The following RSPH1 variants were observed in gnomAD, a reference collection of about 807,000 sequenced individuals.
RSPH1 encodes the protein radial spoke head 1 homolog.
In RSPH1, 32 loss-of-function variants were observed where a neutral mutation model predicts 44.2. That is an observed-to-expected ratio of 0.72 (90% CI 0.55 to 0.97). The LOEUF is 0.97. RSPH1 is among the 50% of genes least tolerant of loss of function. RSPH1 has a pLI of 0.00. For synonymous variants in RSPH1, 134 were observed against 147.3 expected (o/e 0.91, Z 0.65); for missense variants, 391 against 398.7 (o/e 0.98, Z 0.16).
chr21:42,492,351 C>T (rs1214251328), intron 3 of RSPH1, among the ~76,000 whole-genome samples: 4 of 152,238 alleles, frequency 2.6e-5, no homozygotes, highest in African/African-American at 7.2e-5. Context: ...AGGAAACACT[C>T]GATCTGAAGA....
intron 6 of RSPH1, among the ~76,000 whole-genome samples, chr21:42,481,409 A>G (rs1291835855): frequency 3.3e-5 from 5 of 152,164 alleles, no homozygotes; most frequent in Admixed American, 2.6e-4. Context: ...ACCCAGCTTC[A>G]GGAATTCCTT....
chr21:42,482,429 G>T (rs755898175), intron 6 of RSPH1, among the ~76,000 whole-genome samples: 1 of 152,194 alleles, frequency 6.6e-6, no homozygotes, highest in African/African-American at 2.4e-5. Context: ...ACAAAGTCTA[G>T]AGTTCTGCAA....
intron 8 of RSPH1, 128 bp from the exon 9 acceptor site, chr21:42,472,998 T>C (rs1483952347): frequency 6.2e-6 from 4 of 649,360 alleles, no homozygotes; most frequent in Non-Finnish European, 1.0e-5. Flanking sequence ...CAGTCAAAAA[T>C]TGAATGTTAA....
rs114443816 is a variant in RSPH1, at chr21:42,475,098, T to C, written c.877+800A>G. Among the ~76,000 whole-genome samples the C allele has an allele frequency of 5.4e-3, 816 of 152,260 alleles. 7 individuals are homozygous for C. The highest frequency in any genetic ancestry group is 0.019 in the African/African-American group (775 of 41,540). On this transcript the variant is annotated intron_variant, in intron 8 of 8. Coordinates refer to ENST00000291536, the MANE Select transcript of RSPH1 (RefSeq NM_080860.4). ...GTCCTCTCTCCAGACTTTCTGCAAG[T>C]GCCCACAAGCACTTGGGGAAAGATT...
chr21:42,477,242 C>T (rs764860916), intron 7 of RSPH1, 49 bp downstream of exon 7: 2 of 1,456,376 alleles, frequency 1.4e-6, no homozygotes, highest in African/African-American at 1.4e-5. Flanking sequence ...CCCGGGGGTG[C>T]CCCACACCCT....
chr21:42,481,808 G>A (rs1423202018), intron 6 of RSPH1, among the ~76,000 whole-genome samples: 4 of 152,150 alleles, frequency 2.6e-5, no homozygotes, highest in East Asian at 3.8e-4. Context: ...ACACACATAC[G>A]CATCTCGATG....
chr21:42,486,125 T>C, intron 4 of RSPH1: 2 of 570,976 alleles, frequency 3.5e-6, no homozygotes, highest in African/African-American at 1.9e-5. Context: ...CTCCACTCCC[T>C]GGGACTCTTG....
At chr21:42,479,995 T>C (rs570074160) in intron 6 of RSPH1, among the ~76,000 whole-genome samples, 27 of 152,228 alleles carry the variant, frequency 1.8e-4, no homozygotes, top group Admixed American at 1.7e-3. Flanking sequence ...TCCTTTTAGC[T>C]GGAGCAAAGC....
chr21:42,475,850 G>GC (rs1367529901), intron 8 of RSPH1, 48 bp downstream of exon 8: 4 of 1,593,322 alleles, frequency 2.5e-6, no homozygotes, highest in Non-Finnish European at 3.4e-6. Context: ...ACTGTTCGTG[G>GC]CCCCTAAGTG....
chr21:42,475,076 C>T (rs2054031161), intron 8 of RSPH1, among the ~76,000 whole-genome samples: 1 of 152,196 alleles, frequency 6.6e-6, no homozygotes, highest in Non-Finnish European at 1.5e-5. Context: ...GAAGCGAGTC[C>T]TCTCTCCAGA....
intron 7 of RSPH1, among the ~76,000 whole-genome samples, chr21:42,477,078 C>T (rs1225748985): frequency 6.9e-6 from 1 of 144,996 alleles, no homozygotes; most frequent in African/African-American, 2.5e-5. Flanking sequence ...ACCCCACAGC[C>T]CGGGGATGCC....
intron 8 of RSPH1, 36 bp from the exon 9 acceptor site, chr21:42,472,906 T>C (rs760910749): frequency 4.8e-6 from 7 of 1,465,218 alleles, no homozygotes; most frequent in Non-Finnish European, 6.6e-6. Context: ...ATATCTCATA[T>C]TTACTTTGTT....
At chr21:42,476,962 A>C (rs532458654) in intron 7 of RSPH1, among the ~76,000 whole-genome samples, 1 of 151,112 alleles carries the variant, frequency 6.6e-6, no homozygotes, top group Admixed American at 6.6e-5. Context: ...CACACCCTCC[A>C]TCCCACAGCC....
At chr21:42,475,235 T>C (rs978736623) in intron 8 of RSPH1, among the ~76,000 whole-genome samples, 1 of 151,968 alleles carries the variant, frequency 6.6e-6, no homozygotes, top group Non-Finnish European at 1.5e-5. Context: ...TCCAAACCCA[T>C]TGAAAAAGAG....
At chr21:42,478,828 G>C (rs1372065218) in intron 6 of RSPH1, among the ~76,000 whole-genome samples, 1 of 152,158 alleles carries the variant, frequency 6.6e-6, no homozygotes, top group Non-Finnish European at 1.5e-5. Flanking sequence ...GGATAAGCAA[G>C]AACCTTGAAA....
chr21:42,488,309 A>T (rs1171920242), intron 3 of RSPH1, among the ~76,000 whole-genome samples: 8 of 152,170 alleles, frequency 5.3e-5, no homozygotes, highest in Admixed American at 4.6e-4. Flanking sequence ...ATGTGCCTGG[A>T]TTTGTAACAT....
chr21:42,495,847 C>A (rs1043340279), intron 1 of RSPH1, among the ~76,000 whole-genome samples: 2 of 152,284 alleles, frequency 1.3e-5, no homozygotes, highest in Non-Finnish European at 2.9e-5. Context: ...GAGGAAACTT[C>A]CAAAGCCTTC....
At chr21:42,477,069 CCCCACAGCCCGGGGA>C (rs1601624829) in intron 7 of RSPH1, among the ~76,000 whole-genome samples, 2 of 141,926 alleles carry the variant, frequency 1.4e-5, no homozygotes, top group Non-Finnish European at 3.1e-5. Flanking sequence ...GCCCCCTCCA[CCCCACAGCCCGGGGA>C]TGCCCCACAC....
chr21:42,477,553 G>T, intron 6 of RSPH1, 109 bp from the exon 7 acceptor site: 1 of 1,167,228 alleles, frequency 8.6e-7, no homozygotes, highest in Non-Finnish European at 1.2e-6. Context: ...TTTGGCTTGT[G>T]TTTCAGCCTT....
Sources: gnomAD v4.1 joint callset for allele counts (sites outside exome capture counted in the v4.1 genomes callset) on GRCh38, gnomAD v4.1.1 for gene constraint, MANE v1.5 for transcripts, NCBI Gene and HGNC (gene_info 2026-07-23, HGNC 2026-07-21) for gene names.